KAT2B: variants seen among roughly 807,000 people sequenced by gnomAD.
KAT2B encodes histone acetyltransferase KAT2B.
Under a neutral mutation model 105.9 loss-of-function variants are expected in KAT2B, and 36 were observed. That is an observed-to-expected ratio of 0.34 (90% CI 0.26 to 0.45). KAT2B has a LOEUF of 0.45. Among genes scored for constraint, KAT2B ranks in the 20% least tolerant of loss-of-function variants. The pLI, the probability that KAT2B is intolerant of heterozygous loss-of-function variation, is 1.00. For missense variants in KAT2B, 820 were observed against 1,021.6 expected (o/e 0.80, Z 2.69); for synonymous variants, 397 against 377.9 (o/e 1.05, Z -0.59).
chr3:20,055,265 A>C (rs779827145), intron 1 of KAT2B, among the ~76,000 whole-genome samples: 1 of 152,200 alleles, frequency 6.6e-6, no homozygotes. Flanking sequence ...ATATATGTCA[A>C]CTTTTTCCGT....
intron 1 of KAT2B, among the ~76,000 whole-genome samples, chr3:20,047,906 A>G (rs1325833972): frequency 1.3e-5 from 2 of 152,142 alleles, no homozygotes; most frequent in Non-Finnish European, 2.9e-5. Context: ...ATGAGCCACC[A>G]CACAAGGCCC....
At chr3:20,067,858 A>G (rs541173123) in intron 1 of KAT2B, among the ~76,000 whole-genome samples, 38 of 151,914 alleles carry the variant, frequency 2.5e-4, no homozygotes, top group Admixed American at 1.5e-3. Flanking sequence ...TATTTTTAAT[A>G]GAGATGGGGT....
chr3:20,116,183 T>C (rs12631457), intron 7 of KAT2B, among the ~76,000 whole-genome samples: 4 of 152,062 alleles, frequency 2.6e-5, no homozygotes, highest in African/African-American at 4.8e-5. Flanking sequence ...TCTTCTACAG[T>C]TGAGCAGTTA....
At chr3:20,141,147 C>T (rs1038126938) in intron 13 of KAT2B, among the ~76,000 whole-genome samples, 1 of 152,206 alleles carries the variant, frequency 6.6e-6, no homozygotes, top group Non-Finnish European at 1.5e-5. Context: ...TTTGATCCAC[C>T]TATTTGAATT....
At chr3:20,100,841 T>C (rs1406803546) in intron 4 of KAT2B, among the ~76,000 whole-genome samples, 2 of 152,228 alleles carry the variant, frequency 1.3e-5, no homozygotes, top group African/African-American at 4.8e-5. Flanking sequence ...TTTAGTTGTT[T>C]AGTTCAGTGG....
intron 1 of KAT2B, among the ~76,000 whole-genome samples, chr3:20,062,260 A>ATG (rs1175263237): frequency 1.7e-4 from 4 of 23,020 alleles, no homozygotes; most frequent in African/African-American, 4.0e-4. Flanking sequence ...ATAAAATATG[A>ATG]TATATAATAT....
intron 4 of KAT2B, chr3:20,100,953 A>G (rs1438032390): frequency 3.2e-5 from 9 of 279,824 alleles, no homozygotes; most frequent in African/African-American, 2.2e-5. Context: ...TAGTAAAGCA[A>G]TAATTATTCT....
At chr3:20,046,871 G>T (rs1485543470) in intron 1 of KAT2B, among the ~76,000 whole-genome samples, 1 of 152,166 alleles carries the variant, frequency 6.6e-6, no homozygotes, top group Non-Finnish European at 1.5e-5. Flanking sequence ...AATCTTTGCA[G>T]TTGGGAGGAG....
intron 1 of KAT2B, among the ~76,000 whole-genome samples, chr3:20,066,236 G>A (rs967075478): frequency 2.6e-5 from 4 of 152,074 alleles, no homozygotes; most frequent in Non-Finnish European, 5.9e-5. Context: ...TTTACTGTTT[G>A]TCTGTGTCTG....
rs1455125477 is a variant in KAT2B at position 20,148,298 on chromosome 3, C to G, written c.2212C>G (p.Gln738Glu). Residue 738 changes from glutamine to glutamate, a missense_variant, in exon 16 of 18, where the codon CAG (glutamine) becomes GAG (glutamate). Gln to Glu is a conservative substitution (Grantham distance 29). This residue lies in a region of KAT2B where 227 missense variants were observed against 292.9 expected (regional missense o/e 0.77). Coordinates refer to ENST00000263754, the MANE Select transcript of KAT2B (RefSeq NM_003884.5). ...LYSTLKSILQ[Q>E]VKSHQSAWPF... ...CAGCACGCTCAAGAGCATCCTCCAG[C>G]AGGTGAAGGTGGGTGTCCTCTTTAT... The G allele has an allele frequency of 6.2e-7, 1 of 1,613,728 alleles. No individual in the cohort carries two copies. Among genetic ancestry groups the G allele is most frequent in the East Asian group, 2.2e-5 (1 of 44,898 alleles).
At chr3:20,151,939 T>C (rs1699875535) in intron 17 of KAT2B, among the ~76,000 whole-genome samples, 1 of 152,142 alleles carries the variant, frequency 6.6e-6, no homozygotes, top group Non-Finnish European at 1.5e-5. Flanking sequence ...ATTAAATGAT[T>C]GAATACAAAC....
At chr3:20,125,136 C>T (rs1297118014) in intron 9 of KAT2B, among the ~76,000 whole-genome samples, 1 of 152,026 alleles carries the variant, frequency 6.6e-6, no homozygotes, top group Non-Finnish European at 1.5e-5. Context: ...TCTTGGCTAA[C>T]ACGGTGAAAC....
At chr3:20,065,602 G>A (rs1428734995) in intron 1 of KAT2B, among the ~76,000 whole-genome samples, 2 of 152,066 alleles carry the variant, frequency 1.3e-5, no homozygotes, top group African/African-American at 4.8e-5. Flanking sequence ...GTCCTTTTTA[G>A]CAAATCAAGT....
chr3:20,062,193 A>AT (rs1553645332), intron 1 of KAT2B, among the ~76,000 whole-genome samples: 1 of 35,226 alleles, frequency 2.8e-5, no homozygotes, highest in East Asian at 1.0e-3. Context: ...TATATAAAAT[A>AT]TATATATTTT....
chr3:20,042,313 G>A (rs1697733538), intron 1 of KAT2B, among the ~76,000 whole-genome samples: 1 of 152,200 alleles, frequency 6.6e-6, no homozygotes, highest in Non-Finnish European at 1.5e-5. Context: ...AAGATGAAGT[G>A]GGGAGTGTGC....
At chr3:20,087,790 C>G (rs935785588) in intron 2 of KAT2B, among the ~76,000 whole-genome samples, 2 of 151,960 alleles carry the variant, frequency 1.3e-5, no homozygotes, top group African/African-American at 2.4e-5. Context: ...TTCACTTAGC[C>G]TTAAGACAGG....
At chr3:20,059,012 T>A (rs1273497418) in intron 1 of KAT2B, among the ~76,000 whole-genome samples, 1 of 152,204 alleles carries the variant, frequency 6.6e-6, no homozygotes, top group East Asian at 1.9e-4. Flanking sequence ...TGAGAAGCAC[T>A]ACTCCTAATT....
chr3:20,073,001 C>A (rs1414522747), intron 2 of KAT2B, among the ~76,000 whole-genome samples: 5 of 152,028 alleles, frequency 3.3e-5, no homozygotes, highest in Non-Finnish European at 7.4e-5. Context: ...ACTTTCTTAT[C>A]TGACCCTGCA....
At chr3:20,093,181 T>C (rs1488233328) in intron 2 of KAT2B, among the ~76,000 whole-genome samples, 2 of 152,104 alleles carry the variant, frequency 1.3e-5, no homozygotes, top group Admixed American at 1.3e-4. Context: ...AGTAGTTTAT[T>C]TGGGTTGAGA....
Sources: gnomAD v4.1 joint callset for allele counts (sites outside exome capture counted in the v4.1 genomes callset) on GRCh38, gnomAD v4.1.1 for gene constraint, gnomAD v4.1.1 regional missense constraint, MANE v1.5 for transcripts, NCBI Gene and HGNC (gene_info 2026-07-23, HGNC 2026-07-21) for gene names.